The following FHIP1A variants were observed in gnomAD, a reference collection of about 807,000 sequenced individuals.
The protein encoded by FHIP1A is FHF complex subunit HOOK-interacting protein 1A.
A neutral mutation model predicts 88.6 loss-of-function variants in FHIP1A; 61 were observed. That is an observed-to-expected ratio of 0.69 (90% confidence interval 0.56 to 0.85). The LOEUF (loss-of-function observed/expected upper bound fraction) is 0.85, where lower values mean the gene tolerates loss of function less well. Ranked by LOEUF, FHIP1A falls within the 40% of genes least tolerant of loss-of-function variation. The probability of loss-of-function intolerance (pLI) is 0.00; values close to 1 mark genes in which losing one functional copy is unlikely to be tolerated. For missense variants in FHIP1A, 1,154 were observed against 1,273.5 expected (o/e 0.91, Z 1.43); for synonymous variants, 478 against 496.0 (o/e 0.96, Z 0.48).
chr4:151,526,447 C>G (rs1336063410), intron 3 of FHIP1A, among the ~76,000 whole-genome samples: 7 of 147,648 alleles, frequency 4.7e-5, no homozygotes, highest in African/African-American at 1.8e-4. Flanking sequence ...CTGACCCCCC[C>G]ACCTCCCTCC....
intron 3 of FHIP1A, among the ~76,000 whole-genome samples, chr4:151,526,253 A>G (rs34104861): frequency 2.6e-5 from 4 of 152,002 alleles, no homozygotes; most frequent in East Asian, 1.9e-4. Context: ...ATCATGGCCC[A>G]TTCTCAATGA....
chr4:151,485,282 GT>G lies in FHIP1A; in HGVS notation c.-123+2654del, dbSNP rs74327398. On this transcript the variant is annotated intron_variant, in intron 3 of 13. Transcript: ENST00000435205. ...TCGAGCATAGTTTGGATCTTTTCCA[GT>G]TTTTTTTTTTTTTTTTTTTGTCTGT... Among the ~76,000 whole-genome samples, 713 of 118,712 alleles carry G rather than the reference GT, an allele frequency of 6.0e-3. 4 individuals are homozygous for G. The highest frequency in any genetic ancestry group is 0.026 in the East Asian group (104 of 3,990). 77.9% of individuals were successfully genotyped at this position (118,712 alleles called of 152,430 possible). A position where few individuals can be genotyped will look rare whatever the true frequency, so the allele number is the denominator to read the frequency against.
rs1305750908 is a variant in FHIP1A at position 151,656,864 on chromosome 4, C to G, written c.2835C>G (p.Asp945Glu). The G allele has an allele frequency of 5.2e-6, 8 of 1,551,576 alleles. No individual in the cohort carries two copies. The Admixed American group carries it at 1.6e-4, about 30-fold the overall frequency. ...AGCAGTACCTGCTCTTCCGTGTGGA[C>G]ATGTCTGATATGACCCCTGCAGCAC... ...QAQQYLLFRV[D>E]MSDMTPAALT... The change falls in exon 13 of 14, where the codon GAC becomes GAG. Residue 945 changes from aspartate (D) to glutamate (E), a missense_variant. By Grantham distance (45) the Asp-to-Glu change is conservative (BLOSUM62 2). Transcript: ENST00000435205. This position sits in a 1 kb window ranked among gnomAD's most constrained non-coding sequence, Gnocchi z 4.2.
At chr4:151,612,802 A>T (rs1300595930) in intron 7 of FHIP1A, among the ~76,000 whole-genome samples, 2 of 152,176 alleles carry the variant, frequency 1.3e-5, no homozygotes, top group Non-Finnish European at 2.9e-5. Context: ...GCCTTACTTT[A>T]AAAAGAAGAA....
At chr4:151,520,932 T>A (rs2126694639) in intron 3 of FHIP1A, among the ~76,000 whole-genome samples, 1 of 152,326 alleles carries the variant, frequency 6.6e-6, no homozygotes, top group Non-Finnish European at 1.5e-5. Flanking sequence ...TTTGCATGCA[T>A]GTTGCAAGAT....
chr4:151,561,651 C>T (rs1733177457), intron 3 of FHIP1A, among the ~76,000 whole-genome samples: 1 of 152,060 alleles, frequency 6.6e-6, no homozygotes, highest in Admixed American at 6.6e-5. Context: ...CAGTAATAGA[C>T]TTTTTATATA....
At position 151,650,092 on chromosome 4, in the gene FHIP1A, T is replaced by A. The variant is rs1354500039; in HGVS notation, c.2051T>A (p.Leu684His). ...AGTGTCCCCATCAACAACGGCCCCC[T>A]CCTCAGCACCCAGCCAGAGACAGAT... is the stretch of plus-strand genomic sequence containing the variant. ...VQSVPINNGP[L>H]LSTQPETDSE... Residue 684 changes from leucine (L) to histidine (H), a missense_variant, in exon 11 of 14, where the codon CTC becomes CAC. Leu to His is a moderately conservative substitution (Grantham distance 99). Transcript: ENST00000435205. 6.4e-7 allele frequency: 1 copy of A among 1,551,520 alleles called. No individual in the cohort carries two copies. Among genetic ancestry groups the A allele is most frequent in the East Asian group, 2.4e-5 (1 of 40,904 alleles).
At chr4:151,523,187 C>A (rs561103238) in intron 3 of FHIP1A, among the ~76,000 whole-genome samples, 1 of 152,148 alleles carries the variant, frequency 6.6e-6, no homozygotes, top group Non-Finnish European at 1.5e-5. Flanking sequence ...AGAAAATCAA[C>A]TTAAGAAGAG....
chr4:151,433,633 A>T (rs1733682390), intron 1 of FHIP1A, among the ~76,000 whole-genome samples: 1 of 152,096 alleles, frequency 6.6e-6, no homozygotes, highest in Non-Finnish European at 1.5e-5. Context: ...ATGGGAGTGG[A>T]GGCTGTGAGA....
In FHIP1A at chr4:151,566,236, A is replaced by T. The variant is rs1733380483; in HGVS notation, c.-24A>T. 1 of 1,443,222 alleles carries T rather than the reference A, an allele frequency of 6.9e-7. No homozygotes were observed. The highest frequency in any genetic ancestry group is 9.5e-7 in the Non-Finnish European group (1 of 1,057,944). The allele number at this position is 1,443,222 out of a possible 1,614,324, so 89.4% of individuals were successfully genotyped here. On this transcript the variant is annotated 5_prime_UTR_variant, in exon 4 of 14. The change abolishes the stop of an existing upstream ORF in the 5' untranslated region. Coordinates refer to ENST00000435205, the MANE Select transcript of FHIP1A (RefSeq NM_001109977.3). Reference sequence around the variant, plus strand: ...TTTTAATGAAAATTAAATATGACTTAGAAGCATTGATTTATGAAGGCTTAT... The same window carrying T: ...TTTTAATGAAAATTAAATATGACTTTGAAGCATTGATTTATGAAGGCTTAT...
chr4:151,575,751 G>A (rs1036439828), intron 4 of FHIP1A, among the ~76,000 whole-genome samples: 1 of 152,148 alleles, frequency 6.6e-6, no homozygotes, highest in Non-Finnish European at 1.5e-5. Flanking sequence ...GGTCTATAAC[G>A]ATTTTTTTCC....
chr4:151,645,725 C>T (rs1578857067), intron 9 of FHIP1A, among the ~76,000 whole-genome samples: 1 of 151,680 alleles, frequency 6.6e-6, no homozygotes, highest in Non-Finnish European at 1.5e-5. Context: ...TTTAAATAAG[C>T]AGTATGTTTT....
At chr4:151,644,676 T>C (rs1417882753) in intron 9 of FHIP1A, among the ~76,000 whole-genome samples, 1 of 152,140 alleles carries the variant, frequency 6.6e-6, no homozygotes, top group Non-Finnish European at 1.5e-5. Context: ...CTTAAATATA[T>C]GCATGAACAA....
intron 2 of FHIP1A, among the ~76,000 whole-genome samples, chr4:151,469,442 G>A (rs191603898): frequency 6.6e-6 from 1 of 152,300 alleles, no homozygotes; most frequent in Non-Finnish European, 1.5e-5. Context: ...GACATATAGA[G>A]CAGGAGGATA....
chr4:151,500,535 C>T (rs1365716204), intron 3 of FHIP1A, among the ~76,000 whole-genome samples: 2 of 151,452 alleles, frequency 1.3e-5, no homozygotes, highest in South Asian at 2.1e-4. Context: ...TATCTTCTGC[C>T]TGCCTCAGTT....
At chr4:151,658,919 C>T (rs138699151) in intron 13 of FHIP1A, among the ~76,000 whole-genome samples, 137 of 152,236 alleles carry the variant, frequency 9.0e-4, no homozygotes, top group African/African-American at 3.2e-3. Flanking sequence ...TTAGCTAATT[C>T]AAGGAGATGA....
At chr4:151,516,848 T>G (rs923261760) in intron 3 of FHIP1A, among the ~76,000 whole-genome samples, 2 of 151,686 alleles carry the variant, frequency 1.3e-5, no homozygotes, top group African/African-American at 4.8e-5. Context: ...TTTTCCACTG[T>G]TGGTGGGACT....
At chr4:151,511,520 C>T (rs539538835) in intron 3 of FHIP1A, among the ~76,000 whole-genome samples, 1 of 152,344 alleles carries the variant, frequency 6.6e-6, no homozygotes, top group South Asian at 2.1e-4. Flanking sequence ...TCAGGGAGTT[C>T]CCTTTCCTAG....
intron 3 of FHIP1A, among the ~76,000 whole-genome samples, chr4:151,484,154 T>C (rs758947445): frequency 2.0e-5 from 3 of 152,118 alleles, no homozygotes; most frequent in Non-Finnish European, 4.4e-5. Context: ...GAGCTTTAAT[T>C]TCAAGGTCCT....
Sources: allele counts gnomAD v4.1 joint callset (sites outside exome capture counted in the v4.1 genomes callset), GRCh38; gene constraint gnomAD v4.1.1; non-coding constraint Gnocchi (gnomAD v3.1); transcripts MANE v1.5; gene names NCBI Gene and HGNC (gene_info 2026-07-23, HGNC 2026-07-21).